Variants in NCKAP5 observed in about 807,000 individuals in gnomAD.
NCKAP5 encodes nck-associated protein 5.
Under a neutral mutation model 167.0 loss-of-function variants are expected in NCKAP5, and 92 were observed. The observed-to-expected ratio is 0.55, with a 90% CI of 0.47 to 0.66. NCKAP5 has a LOEUF of 0.66. Among genes scored for constraint, NCKAP5 ranks in the 30% least tolerant of loss-of-function variants. NCKAP5 has a pLI of 0.00. For missense variants in NCKAP5, 2,378 were observed against 2,315.0 expected (o/e 1.03, Z -0.56); for synonymous variants, 891 against 877.4 (o/e 1.02, Z -0.27).
At chr2:132,961,191 GT>G (rs1002861286) in intron 8 of NCKAP5, among the ~76,000 whole-genome samples, 3 of 151,820 alleles carry the variant, frequency 2.0e-5, no homozygotes, top group East Asian at 1.9e-4. Context: ...CTACAATAAT[GT>G]TTAACCCATG....
chr2:132,999,233 A>G (rs2077701342), intron 6 of NCKAP5, among the ~76,000 whole-genome samples: 1 of 152,204 alleles, frequency 6.6e-6, no homozygotes, highest in Non-Finnish European at 1.5e-5. Flanking sequence ...ATAAATTCTT[A>G]TTACACTGTT....
intron 6 of NCKAP5, among the ~76,000 whole-genome samples, chr2:133,046,711 C>T (rs922040635): frequency 2.0e-5 from 3 of 152,070 alleles, no homozygotes; most frequent in African/African-American, 7.2e-5. Context: ...TAAAGAGAAA[C>T]TACCTAGCTT....
intron 19 of NCKAP5, among the ~76,000 whole-genome samples, chr2:132,705,412 T>C (rs1218929163): frequency 2.6e-5 from 4 of 152,192 alleles, no homozygotes; most frequent in Non-Finnish European, 5.9e-5. Context: ...CCTATCATTC[T>C]ACTAATAAGT....
At chr2:132,741,336 C>T (rs1481533962) in intron 16 of NCKAP5, among the ~76,000 whole-genome samples, 3 of 152,084 alleles carry the variant, frequency 2.0e-5, no homozygotes, top group Admixed American at 1.3e-4. Context: ...AACTGCTTCA[C>T]GTCTTGCTAT....
chr2:133,089,491 G>A (rs1189342219), intron 6 of NCKAP5, among the ~76,000 whole-genome samples: 3 of 152,178 alleles, frequency 2.0e-5, no homozygotes, highest in African/African-American at 7.2e-5. Flanking sequence ...ATGTCTTCTT[G>A]TTAACTTGGA....
chr2:132,719,413 A>G (rs923730564), intron 19 of NCKAP5, among the ~76,000 whole-genome samples: 1 of 152,248 alleles, frequency 6.6e-6, no homozygotes, highest in African/African-American at 2.4e-5. Context: ...CTGAGGTATA[A>G]TTGACAGACA....
chr2:133,053,312 C>T (rs987146294), intron 6 of NCKAP5, among the ~76,000 whole-genome samples: 15 of 152,178 alleles, frequency 9.9e-5, no homozygotes, highest in African/African-American at 3.6e-4. Flanking sequence ...GATTTGACTC[C>T]TGGCTGGAAG....
intron 3 of NCKAP5, among the ~76,000 whole-genome samples, chr2:133,497,541 G>T (rs898036225): frequency 6.6e-6 from 1 of 152,170 alleles, no homozygotes; most frequent in Non-Finnish European, 1.5e-5. Context: ...AGGTAACAGG[G>T]AGCTGACAAT....
intron 3 of NCKAP5, among the ~76,000 whole-genome samples, chr2:133,359,876 C>A (rs760768525): frequency 1.3e-5 from 2 of 152,086 alleles, no homozygotes; most frequent in Non-Finnish European, 1.5e-5. Context: ...CCACCTTATT[C>A]GAAAATGTTT....
intron 3 of NCKAP5, among the ~76,000 whole-genome samples, chr2:133,448,155 T>G (rs200651141): frequency 6.6e-6 from 1 of 152,156 alleles, no homozygotes; most frequent in East Asian, 1.9e-4. Flanking sequence ...TTGATTATGT[T>G]ACCATCTGAA....
At chr2:132,712,644 T>C (rs868771007) in intron 19 of NCKAP5, among the ~76,000 whole-genome samples, 2 of 151,816 alleles carry the variant, frequency 1.3e-5, no homozygotes, top group Admixed American at 1.3e-4. Flanking sequence ...AGAGTGAGAT[T>C]CTGTCTCAAA....
At chr2:132,917,368 A>C (rs1188419040) in intron 8 of NCKAP5, among the ~76,000 whole-genome samples, 1 of 152,168 alleles carries the variant, frequency 6.6e-6, no homozygotes, top group Non-Finnish European at 1.5e-5. Flanking sequence ...CATAATTTAC[A>C]CTGTGTTCTG....
At chr2:132,816,910 T>C (rs1686321659) in intron 11 of NCKAP5, among the ~76,000 whole-genome samples, 1 of 152,164 alleles carries the variant, frequency 6.6e-6, no homozygotes, top group African/African-American at 2.4e-5. Flanking sequence ...ACATGACCTC[T>C]CAAAGATACA....
At chr2:133,171,142 G>A (rs1045260516) in intron 5 of NCKAP5, among the ~76,000 whole-genome samples, 2 of 152,058 alleles carry the variant, frequency 1.3e-5, no homozygotes, top group African/African-American at 2.4e-5. Context: ...TTTGAGGCAG[G>A]GTGCTTTTGA....
At chr2:133,389,073 G>A (rs540908317) in intron 3 of NCKAP5, among the ~76,000 whole-genome samples, 1 of 152,308 alleles carries the variant, frequency 6.6e-6, no homozygotes, top group East Asian at 1.9e-4. Flanking sequence ...GCCCCAGTGA[G>A]ATGAACCCGG....
chr2:133,398,705 A>G (rs1687910367), intron 3 of NCKAP5, among the ~76,000 whole-genome samples: 1 of 152,206 alleles, frequency 6.6e-6, no homozygotes, highest in Non-Finnish European at 1.5e-5. Context: ...ATATATCAAC[A>G]TTGACATCTT....
chr2:133,123,857 C>T (rs2082321884), intron 6 of NCKAP5: 3 of 469,742 alleles, frequency 6.4e-6, no homozygotes, highest in South Asian at 1.6e-5. Context: ...GAAGGGAGTA[C>T]ATGGGTAGAA....
At chr2:133,350,191 C>G (rs1282174930) in intron 3 of NCKAP5, among the ~76,000 whole-genome samples, 1 of 152,110 alleles carries the variant, frequency 6.6e-6, no homozygotes, top group Non-Finnish European at 1.5e-5. Context: ...GTGAGAGGAT[C>G]ACCTGAGCCC....
intron 6 of NCKAP5, among the ~76,000 whole-genome samples, chr2:133,006,462 C>T (rs149265436): frequency 8.7e-4 from 132 of 152,296 alleles, no homozygotes; most frequent in Non-Finnish European, 1.4e-3. Flanking sequence ...ACTTACTAAA[C>T]AGGCCACATG....
Sources: gnomAD v4.1 joint callset for allele counts (sites outside exome capture counted in the v4.1 genomes callset) on GRCh38, gnomAD v4.1.1 for gene constraint, MANE v1.5 for transcripts, NCBI Gene and HGNC (gene_info 2026-07-23, HGNC 2026-07-21) for gene names.